C3orf49: variants seen among roughly 807,000 people sequenced by gnomAD.
C3orf49 encodes the protein chromosome 3 open reading frame 49.
In C3orf49, 27 loss-of-function variants were observed where a neutral mutation model predicts 13.3. That is an observed-to-expected ratio of 2.02 (90% CI 1.49 to 2.79). C3orf49 has a LOEUF of 2.79. Ranked by LOEUF, C3orf49 falls within the 30% of genes most tolerant of loss-of-function variation. The pLI, the probability that C3orf49 is intolerant of heterozygous loss-of-function variation, is 0.00. For synonymous variants in C3orf49, 87 were observed against 47.6 expected, an observed-to-expected ratio of 1.83 and a Z score of -3.40; for missense variants, 242 against 134.2, an observed-to-expected ratio of 1.80 and a Z score of -3.97.
chr3:63,785,197 G>T, the C3orf49 span, among the ~76,000 whole-genome samples: 1 of 144,934 alleles, frequency 6.9e-6, no homozygotes, highest in Non-Finnish European at 1.5e-5. Flanking sequence ...TCAGCCTCCC[G>T]AGTAGCTGGG....
chr3:63,789,198 C>T, the C3orf49 span, among the ~76,000 whole-genome samples: 1 of 152,066 alleles, frequency 6.6e-6, no homozygotes, highest in African/African-American at 2.4e-5. Context: ...ACTGCGCATA[C>T]AAGGGATCTA....
the C3orf49 span, among the ~76,000 whole-genome samples, chr3:63,797,616 ATGGT>A: frequency 6.6e-6 from 1 of 152,158 alleles, no homozygotes; most frequent in East Asian, 1.9e-4. Context: ...CTACCAGTCT[ATGGT>A]TCCAGAAGCT....
At chr3:63,821,552 A>G (rs747387307) in intron 1 of C3orf49, among the ~76,000 whole-genome samples, 4 of 152,168 alleles carry the variant, frequency 2.6e-5, no homozygotes, top group Non-Finnish European at 5.9e-5. Flanking sequence ...CAACCCAAGT[A>G]TCCTTCAATC....
chr3:63,811,624 A>G, the C3orf49 span, among the ~76,000 whole-genome samples: 151,702 of 151,770 alleles, frequency 1, 75,817 homozygotes, highest in Middle Eastern at 1. Context: ...GCTCACACCT[A>G]TAGTCCCGAC....
the C3orf49 span, among the ~76,000 whole-genome samples, chr3:63,795,880 C>T: frequency 6.6e-6 from 1 of 152,090 alleles, no homozygotes. Context: ...TCCATTATAT[C>T]CCACACCCAA....
At chr3:63,787,480 T>C in the C3orf49 span, among the ~76,000 whole-genome samples, 1 of 152,098 alleles carries the variant, frequency 6.6e-6, no homozygotes, top group Non-Finnish European at 1.5e-5. Context: ...TTGGGAGCAA[T>C]GCACATGGGG....
chr3:63,829,707 TC>T (rs1701508647), intron 3 of C3orf49, among the ~76,000 whole-genome samples: 1 of 152,146 alleles, frequency 6.6e-6, no homozygotes, highest in Non-Finnish European at 1.5e-5. Flanking sequence ...ATGTCTGTAA[TC>T]CTGGCACTTT....
the C3orf49 span, among the ~76,000 whole-genome samples, chr3:63,800,470 TATA>T: frequency 6.6e-5 from 10 of 151,756 alleles, no homozygotes; most frequent in South Asian, 1.3e-3. Context: ...CCATTAAACC[TATA>T]ATAATAATAA....
chr3:63,837,108 G>A (rs941796834), intron 5 of C3orf49, among the ~76,000 whole-genome samples: 2 of 151,616 alleles, frequency 1.3e-5, no homozygotes, highest in Non-Finnish European at 3.0e-5. Flanking sequence ...ATTAAAAAGT[G>A]AAAATTCATT....
rs150443613 is a variant in C3orf49 at position 63,843,909 on chromosome 3, A to C, written c.850-1114A>C. Among the ~76,000 whole-genome samples, 846 of 152,270 alleles carry C rather than the reference A, an allele frequency of 5.6e-3. 5 individuals are homozygous for C. Among genetic ancestry groups the C allele is most frequent in the African/African-American group, 0.019 (781 of 41,566 alleles). On this transcript the variant is annotated intron_variant, in intron 5 of 6. Coordinates refer to ENST00000295896, the MANE Select transcript of C3orf49 (RefSeq NM_001355236.2). ...GAGTGAGACTCCGTCTCAGAAAAAAAAAAACAAAACTGTGGATGTGTGTGT... is the reference window on the plus strand; with the variant it reads ...GAGTGAGACTCCGTCTCAGAAAAAACAAAACAAAACTGTGGATGTGTGTGT...
At chr3:63,822,267 G>A (rs959286305) in intron 1 of C3orf49, among the ~76,000 whole-genome samples, 3 of 152,148 alleles carry the variant, frequency 2.0e-5, no homozygotes, top group African/African-American at 7.2e-5. Flanking sequence ...AAGCCACCGC[G>A]CCTGGCCCCC....
At chr3:63,815,604 C>T (rs971377181), upstream of C3orf49, among the ~76,000 whole-genome samples, 7 of 152,170 alleles carry the variant, frequency 4.6e-5, no homozygotes, top group African/African-American at 1.7e-4. Flanking sequence ...AATACCTCTC[C>T]CAGATCTCAG....
chr3:63,792,088 C>A, the C3orf49 span, among the ~76,000 whole-genome samples: 15 of 152,216 alleles, frequency 9.9e-5, no homozygotes, highest in South Asian at 6.2e-4. Context: ...AATAATAATT[C>A]ATTGTGCAAT....
intron 5 of C3orf49, 97 bp from the exon 6 acceptor site, chr3:63,844,926 C>T (rs1173657611): frequency 1.8e-5 from 10 of 570,152 alleles, no homozygotes; most frequent in Admixed American, 1.4e-4. Flanking sequence ...TGCTATAATA[C>T]CTGAAAATGT....
At chr3:63,818,208 A>G (rs574783807), upstream of C3orf49, among the ~76,000 whole-genome samples, 6 of 152,030 alleles carry the variant, frequency 3.9e-5, no homozygotes, top group South Asian at 1.2e-3. Flanking sequence ...CCATAAAACT[A>G]TGGCTTGGGC....
intron 3 of C3orf49, among the ~76,000 whole-genome samples, chr3:63,829,724 G>C (rs934240966): frequency 2.0e-5 from 3 of 152,048 alleles, no homozygotes; most frequent in Admixed American, 1.3e-4. Flanking sequence ...ACTTTGGGAG[G>C]CTGGTAAGGG....
At chr3:63,822,036 C>T (rs1419306070) in intron 1 of C3orf49, among the ~76,000 whole-genome samples, 1 of 151,764 alleles carries the variant, frequency 6.6e-6, no homozygotes, top group Non-Finnish European at 1.5e-5. Context: ...ATTGCAGTGG[C>T]GCGATCTCGG....
the C3orf49 span, among the ~76,000 whole-genome samples, chr3:63,800,459 C>A: frequency 6.6e-6 from 1 of 151,884 alleles, no homozygotes; most frequent in East Asian, 1.9e-4. Context: ...TAGGGGTATT[C>A]CCATTAAACC....
At chr3:63,842,146 C>T (rs1346465848) in intron 5 of C3orf49, among the ~76,000 whole-genome samples, 3 of 152,072 alleles carry the variant, frequency 2.0e-5, no homozygotes, top group African/African-American at 7.2e-5. Flanking sequence ...ATTTAACAGC[C>T]ATTGAAATGA....
Sources: allele counts gnomAD v4.1 joint callset (sites outside exome capture counted in the v4.1 genomes callset), GRCh38; gene constraint gnomAD v4.1.1; transcripts MANE v1.5; gene names NCBI Gene and HGNC (gene_info 2026-07-23, HGNC 2026-07-21).